VPS13B: variants seen among roughly 807,000 people sequenced by gnomAD.
VPS13B encodes vacuolar protein sorting 13 homolog B, also known as intermembrane lipid transfer protein VPS13B.
A neutral mutation model predicts 426.4 loss-of-function variants in VPS13B; 285 were observed. The ratio of observed to expected loss-of-function variants is 0.67; its 90% CI spans 0.61 to 0.74. The LOEUF (loss-of-function observed/expected upper bound fraction) is 0.74. VPS13B is among the 30% of genes least tolerant of loss of function. The pLI, the probability that VPS13B is intolerant of heterozygous loss-of-function variation, is 0.00. For synonymous variants in VPS13B, 1,676 were observed against 1,676.4 expected (o/e 1.00, Z 0.01); for missense variants, 4,537 against 4,782.6 (o/e 0.95, Z 1.51).
intron 21 of VPS13B, among the ~76,000 whole-genome samples, chr8:99,425,904 T>C (rs1233696713): frequency 6.6e-6 from 1 of 152,124 alleles, no homozygotes; most frequent in Non-Finnish European, 1.5e-5. Flanking sequence ...CTGTTTTTTG[T>C]TTTTTGTTTT....
chr8:99,303,495 G>A (rs959364508), intron 19 of VPS13B, among the ~76,000 whole-genome samples: 1 of 151,118 alleles, frequency 6.6e-6, no homozygotes, highest in Non-Finnish European at 1.5e-5. Context: ...TTAAAGTCTT[G>A]TGCATTCTAG....
chr8:99,469,645 A>G (rs1438942624), intron 24 of VPS13B, among the ~76,000 whole-genome samples: 1 of 152,126 alleles, frequency 6.6e-6, no homozygotes, highest in Non-Finnish European at 1.5e-5. Flanking sequence ...GGTTGCTTTA[A>G]AGTGTTTTTA....
At chr8:99,842,655 T>A (rs1013969130) in intron 54 of VPS13B, among the ~76,000 whole-genome samples, 19 of 152,170 alleles carry the variant, frequency 1.2e-4, no homozygotes, top group Admixed American at 1.1e-3. Context: ...ATTTTCTTTG[T>A]CACCTTGTAA....
intron 19 of VPS13B, among the ~76,000 whole-genome samples, chr8:99,317,008 T>A (rs990531994): frequency 3.3e-5 from 5 of 152,254 alleles, no homozygotes; most frequent in Non-Finnish European, 5.9e-5. Flanking sequence ...AGGGAATGCA[T>A]GTCAGCTATA....
At chr8:99,844,038 A>G (rs1408428982) in intron 54 of VPS13B, among the ~76,000 whole-genome samples, 1 of 152,170 alleles carries the variant, frequency 6.6e-6, no homozygotes, top group African/African-American at 2.4e-5. Context: ...TTCCAAGTCA[A>G]TATAACAGTT....
intron 30 of VPS13B, among the ~76,000 whole-genome samples, chr8:99,529,841 A>G (rs191429771): frequency 1.2e-4 from 18 of 152,326 alleles, no homozygotes; most frequent in African/African-American, 4.3e-4. Context: ...TTTTAACATG[A>G]CAAAATCCCT....
At chr8:99,794,058 G>C (rs991683911) in intron 43 of VPS13B, among the ~76,000 whole-genome samples, 2 of 152,206 alleles carry the variant, frequency 1.3e-5, no homozygotes, top group Non-Finnish European at 2.9e-5. Flanking sequence ...CCAGGTATTT[G>C]AGACTAGCCA....
At chr8:99,054,396 A>G (rs1205327416) in intron 3 of VPS13B, among the ~76,000 whole-genome samples, 1 of 152,206 alleles carries the variant, frequency 6.6e-6, no homozygotes, top group Admixed American at 6.5e-5. Flanking sequence ...CCATTTTAAA[A>G]TTCAATTGTT....
intron 39 of VPS13B, among the ~76,000 whole-genome samples, chr8:99,766,184 G>T (rs1811215367): frequency 7.0e-6 from 1 of 143,082 alleles, no homozygotes. Context: ...GGTTCAAGTA[G>T]TTCCCCTGCC....
intron 35 of VPS13B, among the ~76,000 whole-genome samples, chr8:99,689,722 C>T (rs1396662195): frequency 6.6e-6 from 1 of 152,130 alleles, no homozygotes; most frequent in Non-Finnish European, 1.5e-5. Context: ...GTCCCTGGGA[C>T]CACAATGGTG....
intron 17 of VPS13B, among the ~76,000 whole-genome samples, chr8:99,268,881 T>A (rs1818437652): frequency 6.6e-6 from 1 of 152,118 alleles, no homozygotes; most frequent in Non-Finnish European, 1.5e-5. Context: ...AATCCTCATG[T>A]GTTGTGGGAG....
chr8:99,106,646 A>G (rs893384219), intron 5 of VPS13B, among the ~76,000 whole-genome samples: 2 of 152,100 alleles, frequency 1.3e-5, no homozygotes, highest in African/African-American at 2.4e-5. Flanking sequence ...ATCTGACACC[A>G]TAGTAGGGTT....
chr8:99,043,187 A>G (rs1329786582), intron 3 of VPS13B, among the ~76,000 whole-genome samples: 2 of 151,220 alleles, frequency 1.3e-5, no homozygotes, highest in East Asian at 3.9e-4. Context: ...TTTAGATAGG[A>G]TTTTTTATTT....
intron 25 of VPS13B, among the ~76,000 whole-genome samples, chr8:99,495,857 T>C (rs1294360544): frequency 6.6e-6 from 1 of 152,202 alleles, no homozygotes. Context: ...TATTCAGTAT[T>C]TTCTTTAAAA....
intron 33 of VPS13B, among the ~76,000 whole-genome samples, chr8:99,623,198 A>G (rs542153457): frequency 6.6e-6 from 1 of 152,190 alleles, no homozygotes; most frequent in Admixed American, 6.5e-5. Flanking sequence ...TTCCTTGAGC[A>G]TGTCTTTTGT....
At chr8:99,371,489 C>A (rs976498632) in intron 19 of VPS13B, among the ~76,000 whole-genome samples, 1 of 152,120 alleles carries the variant, frequency 6.6e-6, no homozygotes, top group African/African-American at 2.4e-5. Flanking sequence ...GTTACTGTAG[C>A]CTTGTAGTAT....
intron 16 of VPS13B, among the ~76,000 whole-genome samples, chr8:99,182,567 A>G (rs1812999192): frequency 6.6e-6 from 1 of 152,158 alleles, no homozygotes; most frequent in Non-Finnish European, 1.5e-5. Context: ...GCTTTTTTGC[A>G]GTGGAATGAG....
intron 35 of VPS13B, chr8:99,697,361 A>T (rs1276991707): frequency 1.7e-6 from 1 of 584,318 alleles, no homozygotes; most frequent in Non-Finnish European, 3.1e-6. Flanking sequence ...AACCTCAGCC[A>T]GAAGTGCCTG....
At chr8:99,091,760 G>T (rs1431621960) in intron 3 of VPS13B, 1 of 152,164 alleles carries the variant, frequency 6.6e-6, no homozygotes, top group Non-Finnish European at 1.5e-5. Context: ...TGTTGTCATT[G>T]TACTTGCTAC....
Sources: gnomAD v4.1 joint callset for allele counts (sites outside exome capture counted in the v4.1 genomes callset) on GRCh38, gnomAD v4.1.1 for gene constraint, MANE v1.5 for transcripts, NCBI Gene and HGNC (gene_info 2026-07-23, HGNC 2026-07-21) for gene names.